Variants in NPR3 observed in about 807,000 individuals in gnomAD.
The protein encoded by NPR3 is natriuretic peptide receptor 3.
A neutral mutation model predicts 54.5 loss-of-function variants in NPR3; 34 were observed. The observed-to-expected ratio is 0.62, with a 90% CI of 0.47 to 0.83. NPR3 has a LOEUF of 0.83. Among genes scored for constraint, NPR3 ranks in the 40% least tolerant of loss-of-function variants. NPR3 has a pLI of 0.00. For missense variants in NPR3, 674 were observed against 720.8 expected (o/e 0.94, Z 0.74); for synonymous variants, 289 against 297.1 (o/e 0.97, Z 0.28).
intron 4 of NPR3, among the ~76,000 whole-genome samples, chr5:32,776,903 T>A (rs1230650650): frequency 6.6e-6 from 1 of 151,908 alleles, no homozygotes; most frequent in Non-Finnish European, 1.5e-5. Flanking sequence ...TCAGGGAAGG[T>A]CTCTGAGAGT....
At chr5:32,747,784 C>G (rs1437713424) in intron 3 of NPR3, among the ~76,000 whole-genome samples, 2 of 143,662 alleles carry the variant, frequency 1.4e-5, no homozygotes, top group East Asian at 4.0e-4. Flanking sequence ...GAGATGGGGT[C>G]TCACTCTGTC....
chr5:32,781,411 C>A (rs1742332610), intron 5 of NPR3, among the ~76,000 whole-genome samples: 1 of 152,122 alleles, frequency 6.6e-6, no homozygotes, highest in Admixed American at 6.5e-5. Context: ...TACAATTATA[C>A]AAATATGCAG....
rs142249498 is a variant in NPR3, at chr5:32,738,760, G to A, written c.893-104G>A. On this transcript the variant is annotated intron_variant, in intron 2 of 7. Transcript: ENST00000265074. The stretch of plus-strand genomic sequence containing the variant: ...AAACTATGACAATACTTCTCTTCCT[G>A]GTTGCCAAAAGTAACATGCGGGGGC... 1.4e-5 allele frequency: 13 copies of A among 939,066 alleles called. No homozygotes were observed. In the African/African-American group the frequency reaches 2.0e-4, roughly 14 times the overall value. The allele number at this position is 939,066 out of a possible 1,614,324, so 58.2% of individuals were successfully genotyped here. A position where few individuals can be genotyped will look rare whatever the true frequency, so the allele number is the denominator to read the frequency against.
chr5:32,742,818 A>G (rs1740103809), intron 3 of NPR3, among the ~76,000 whole-genome samples: 1 of 152,184 alleles, frequency 6.6e-6, no homozygotes, highest in Non-Finnish European at 1.5e-5. Context: ...TAACTGAAAC[A>G]AAAATAGCAC....
chr5:32,737,988 T>G (rs1356219145), intron 2 of NPR3, among the ~76,000 whole-genome samples: 2 of 152,240 alleles, frequency 1.3e-5, no homozygotes, highest in Middle Eastern at 3.4e-3. Flanking sequence ...TTACCACTAA[T>G]GCACTAATGG....
chr5:32,746,979 C>T lies in NPR3; in HGVS notation c.1059+7949C>T, dbSNP rs570451258. Among the ~76,000 whole-genome samples, 45 of 152,042 alleles carry T rather than the reference C, an allele frequency of 3.0e-4. No individual in the cohort carries two copies. The South Asian group carries it at 9.2e-3, about 31-fold the overall frequency. ...GCCCAATATAATGAATTAAATGATACACAACAAATTAAATGATAAATAATA... is the reference window on the plus strand; with the variant it reads ...GCCCAATATAATGAATTAAATGATATACAACAAATTAAATGATAAATAATA... On this transcript the variant is annotated intron_variant, in intron 3 of 7. Transcript: ENST00000265074.
At chr5:32,727,056 T>C (rs1216015696) in intron 2 of NPR3, among the ~76,000 whole-genome samples, 2 of 152,244 alleles carry the variant, frequency 1.3e-5, no homozygotes, top group African/African-American at 4.8e-5. Flanking sequence ...CACATATTTA[T>C]ACATATATAT....
chr5:32,721,333 T>C (rs1738848384), intron 1 of NPR3, among the ~76,000 whole-genome samples: 2 of 152,226 alleles, frequency 1.3e-5, no homozygotes, highest in South Asian at 4.1e-4. Context: ...ACTCTATGTC[T>C]CTTTTGCTCA....
At chr5:32,756,761 C>T (rs1042018312) in intron 3 of NPR3, among the ~76,000 whole-genome samples, 4 of 151,994 alleles carry the variant, frequency 2.6e-5, no homozygotes, top group Admixed American at 2.0e-4. Context: ...TCTTTAATCC[C>T]TCTTGAATTA....
rs766082940 is a variant in NPR3, at chr5:32,784,777, T to C, written c.1427-19T>C. On this transcript the variant is annotated intron_variant, in intron 6 of 7. Transcript: ENST00000265074. ...TGTATCTCCAAATGAACCCTGATTATCCATGCTTCTTTTTCAAGCAGGTGG... is the reference window on the plus strand; with the variant it reads ...TGTATCTCCAAATGAACCCTGATTACCCATGCTTCTTTTTCAAGCAGGTGG... 5 of 1,596,474 alleles carry C rather than the reference T, an allele frequency of 3.1e-6. No individual in the cohort carries two copies.
intron 1 of NPR3, among the ~76,000 whole-genome samples, chr5:32,715,594 T>C (rs1020274424): frequency 6.6e-6 from 1 of 152,228 alleles, no homozygotes; most frequent in Non-Finnish European, 1.5e-5. Flanking sequence ...GACCTGAGCC[T>C]ATATTATTTT....
chr5:32,708,431 C>T (rs542214682), upstream of NPR3, among the ~76,000 whole-genome samples: 1 of 151,940 alleles, frequency 6.6e-6, no homozygotes, highest in African/African-American at 2.4e-5. Flanking sequence ...GTATTAGCCT[C>T]CAAACTTAGC....
Position 32,704,143 on chromosome 5 carries a change from G to C in NPR3, c.100+14957G>C, listed in dbSNP as rs572126747. Among the ~76,000 whole-genome samples, 4 of 152,174 alleles carry C rather than the reference G, an allele frequency of 2.6e-5. No individual in the cohort carries two copies. The South Asian group carries it at 8.3e-4, about 32-fold the overall frequency. On this transcript the variant is annotated intron_variant, in intron 1 of 5. Transcript: ENST00000509104. ...TTTCTGCTGTTAAAAGGCAGCACTG[G>C]GTCCCAGTGCAAAGTCCCACAGTCA...
chr5:32,723,649 T>C lies in NPR3; in HGVS notation c.770-1049T>C, dbSNP rs562761290. On this transcript the variant is annotated intron_variant, in intron 1 of 7. Coordinates refer to ENST00000265074, the MANE Select transcript of NPR3 (RefSeq NM_001204375.2). ...AGTTGACAATTTTCACTATCTTATA[T>C]CCGGCAAATCTGGTGATTTATTTGA... 2.4e-4 allele frequency among the ~76,000 whole-genome samples: 37 copies of C among 152,356 alleles called. No individual in the cohort carries two copies. In the East Asian group the frequency reaches 6.2e-3, roughly 25 times the overall value.
intron 1 of NPR3, chr5:32,713,535 C>T: frequency 1.1e-6 from 1 of 892,514 alleles, no homozygotes; most frequent in Non-Finnish European, 1.3e-6. Flanking sequence ...GAGGGAATCC[C>T]GTCTCTGCTC....
intron 2 of NPR3, among the ~76,000 whole-genome samples, chr5:32,734,864 C>T (rs1424414730): frequency 2.0e-5 from 3 of 152,236 alleles, no homozygotes; most frequent in African/African-American, 4.8e-5. Context: ...CTAGAGCATT[C>T]GATCTTGTTG....
At chr5:32,758,025 G>A (rs186955000) in intron 3 of NPR3, among the ~76,000 whole-genome samples, 2 of 151,636 alleles carry the variant, frequency 1.3e-5, no homozygotes, top group Admixed American at 1.3e-4. Context: ...GAGGACTTTT[G>A]CATCGATGTT....
chr5:32,724,737 T>G lies in NPR3; in HGVS notation c.809T>G (p.Ile270Ser). Residue 270 changes from isoleucine to serine, a missense_variant, in exon 2 of 8, where the codon ATC becomes AGC. Transcript: ENST00000265074. ...GCGAGCAGTGACACCATCCGGAGCA[T>G]CATGCTGGTGGCGCACAGGCATGGC... ...MCASSDTIRS[I>S]MLVAHRHGMT... is the part of the protein sequence containing the mutation. The G allele has an allele frequency of 2.5e-6, 4 of 1,613,966 alleles. No homozygotes were observed. Among genetic ancestry groups the G allele is most frequent in the Non-Finnish European group, 3.4e-6 (4 of 1,179,872 alleles).
chr5:32,777,184 A>C (rs1315017308), intron 4 of NPR3, among the ~76,000 whole-genome samples: 1 of 152,204 alleles, frequency 6.6e-6, no homozygotes, highest in East Asian at 1.9e-4. Flanking sequence ...ACAGAAAGTC[A>C]CCTGAGGCTT....
Sources: allele counts gnomAD v4.1 joint callset (sites outside exome capture counted in the v4.1 genomes callset), GRCh38; gene constraint gnomAD v4.1.1; transcripts MANE v1.5; gene names NCBI Gene and HGNC (gene_info 2026-07-23, HGNC 2026-07-21).